CACNA1S: variants seen among roughly 807,000 people sequenced by gnomAD.
The protein encoded by CACNA1S is voltage-dependent L-type calcium channel subunit alpha-1S.
A neutral mutation model predicts 207.4 loss-of-function variants in CACNA1S; 126 were observed. The ratio of observed to expected loss-of-function variants is 0.61; its 90% CI spans 0.53 to 0.70. CACNA1S has a LOEUF of 0.70. CACNA1S is among the 30% of genes least tolerant of loss of function. The pLI, the probability that CACNA1S is intolerant of heterozygous loss-of-function variation, is 0.00. For missense variants in CACNA1S, 2,349 were observed against 2,422.8 expected (o/e 0.97, Z 0.64); for synonymous variants, 960 against 932.7 (o/e 1.03, Z -0.53).
At chr1:201,091,438 C>T (rs1339316793) in intron 5 of CACNA1S, among the ~76,000 whole-genome samples, 1 of 152,154 alleles carries the variant, frequency 6.6e-6, no homozygotes, top group African/African-American at 2.4e-5. Context: ...TGGCCCAGGC[C>T]CCTGCTCACT....
chr1:201,044,380 T>G lies in CACNA1S; in HGVS notation c.4745A>C (p.Glu1582Ala). 6.2e-7 allele frequency: 1 copy of G among 1,613,074 alleles called. No homozygotes were observed. Among genetic ancestry groups the G allele is most frequent in the Non-Finnish European group, 8.5e-7 (1 of 1,179,766 alleles). The change falls in exon 39 of 44, where the codon GAG becomes GCG. Residue 1582 changes from glutamate (E) to alanine (A), a missense_variant. By Grantham distance (107) the Glu-to-Ala change is moderately radical (BLOSUM62 -1). Coordinates refer to ENST00000362061, the MANE Select transcript of CACNA1S (RefSeq NM_000069.3). ...CTCCACCATGGCTCTCTCCAGCTCC[T>G]CCTCAGCAGCCAGGTCTCCTGAGAC... ...RTVSGDLAAE[E>A]ELERAMVEAA...
Position 201,039,625 on chromosome 1 carries a change from GC to G in CACNA1S, c.*205del. Reference sequence around the variant, plus strand: ...GACATTAGAAGCTCCATCCAATCATGCCTCTTGCTGGTGAGGGGCAGGGCCT... The same window carrying G: ...GACATTAGAAGCTCCATCCAATCATGCTCTTGCTGGTGAGGGGCAGGGCCT... On this transcript the variant is annotated 3_prime_UTR_variant, in exon 44 of 44. Coordinates refer to ENST00000362061, the MANE Select transcript of CACNA1S (RefSeq NM_000069.3). The G allele has an allele frequency of 1.6e-6, 1 of 637,498 alleles. No homozygotes were observed. Among genetic ancestry groups the G allele is most frequent in the Non-Finnish European group, 2.7e-6 (1 of 365,236 alleles). The allele number at this position is 637,498 out of a possible 1,614,324, so 39.5% of individuals were successfully genotyped here.
Position 201,053,221 on chromosome 1 carries a change from G to A in CACNA1S, c.3849C>T (p.Val1283=). 6.2e-7 allele frequency: 1 copy of A among 1,614,254 alleles called. No homozygotes were observed. The highest frequency in any genetic ancestry group is 8.5e-7 in the Non-Finnish European group (1 of 1,180,046). The change falls in exon 31 of 44, where the codon GTC becomes GTT. Residue 1283 remains valine, a synonymous_variant. Coordinates refer to ENST00000362061, the MANE Select transcript of CACNA1S (RefSeq NM_000069.3). The surrounding 1 kb of genome is among the most constrained non-coding windows in gnomAD (Gnocchi z 5.1). ...GCCTGCCTCTCACCTGCATGCCGATGACAGCGTAGATGAAGAAGAGCATGA... is the reference window on the plus strand; with the variant it reads ...GCCTGCCTCTCACCTGCATGCCGATAACAGCGTAGATGAAGAAGAGCATGA... ...LIVMLFFIYA[V]IGMQMFGKIA...
chr1:201,060,868 C>T, intron 25 of CACNA1S, 52 bp from the exon 26 acceptor site: 1 of 1,606,962 alleles, frequency 6.2e-7, no homozygotes, highest in Non-Finnish European at 8.5e-7. Context: ...CTCCCTCCCT[C>T]TCCACACCCA....
chr1:201,075,443 TC>T, intron 13 of CACNA1S, 51 bp downstream of exon 13: 1 of 1,597,908 alleles, frequency 6.3e-7, no homozygotes. Context: ...TTAAGCCCTT[TC>T]CCCCACCCCC....
At chr1:201,060,933 G>A (rs1026342998) in intron 25 of CACNA1S, 117 bp from the exon 26 acceptor site, 1 of 1,264,486 alleles carries the variant, frequency 7.9e-7, no homozygotes, top group Non-Finnish European at 1.2e-6. Context: ...GGCTGTGGCT[G>A]AGGACTGTGA....
chr1:201,095,839 A>T (rs1193712242), intron 2 of CACNA1S, among the ~76,000 whole-genome samples: 1 of 152,164 alleles, frequency 6.6e-6, no homozygotes, highest in Non-Finnish European at 1.5e-5. Flanking sequence ...CCCTGGCAAG[A>T]GGAGCGGGCT....
chr1:201,067,538 A>G (rs1445022274), intron 19 of CACNA1S, among the ~76,000 whole-genome samples: 1 of 152,194 alleles, frequency 6.6e-6, no homozygotes, highest in Non-Finnish European at 1.5e-5. Flanking sequence ...CTTAAAATCG[A>G]ACAGGGTTGA....
chr1:201,091,398 A>AGC (rs1553252709), intron 5 of CACNA1S, among the ~76,000 whole-genome samples: 4 of 152,190 alleles, frequency 2.6e-5, no homozygotes, highest in Admixed American at 1.3e-4. Context: ...TATGTGGGGC[A>AGC]GGGGGGTGAC....
chr1:201,063,706 A>G (rs893548507), intron 22 of CACNA1S, among the ~76,000 whole-genome samples: 4 of 152,212 alleles, frequency 2.6e-5, no homozygotes, highest in African/African-American at 9.6e-5. Context: ...CTAGTTGAAG[A>G]CACAGCTGGC....
At position 201,066,924 on chromosome 1, in the gene CACNA1S, G is replaced by C; in HGVS notation, c.2620C>G (p.Leu874Val). 6.2e-7 allele frequency: 1 copy of C among 1,614,188 alleles called. No individual in the cohort carries two copies. The highest frequency in any genetic ancestry group is 8.5e-7 in the Non-Finnish European group (1 of 1,180,002). ...CRNYFNMLDL[L>V]VVAVSLISMG... ...GAGATGAGGGACACGGCCACCACCAGCAGGTCCAGCATGTTGAAGTAATTG... is the reference window on the plus strand; with the variant it reads ...GAGATGAGGGACACGGCCACCACCACCAGGTCCAGCATGTTGAAGTAATTG... Residue 874 changes from leucine to valine, a missense_variant, in exon 20 of 44, where the codon CTG becomes GTG. Physicochemically the swap from Leu to Val is conservative, Grantham distance 32. Coordinates refer to ENST00000362061, the MANE Select transcript of CACNA1S (RefSeq NM_000069.3). This position sits in a 1 kb window ranked among gnomAD's most constrained non-coding sequence, Gnocchi z 4.3.
At chr1:201,055,325 G>T (rs1331717514) in intron 28 of CACNA1S, among the ~76,000 whole-genome samples, 1 of 152,154 alleles carries the variant, frequency 6.6e-6, no homozygotes, top group East Asian at 1.9e-4. Context: ...TGGACCACTG[G>T]TTCTCCACCC....
rs375469357 is a variant in CACNA1S at position 201,078,045 on chromosome 1, C to G, written c.1453G>C (p.Gly485Arg). ...FTTEMLMKMY[G>R]LGLRQYFMSI... is the part of the protein sequence containing the mutation. ...ATGAAGTACTGGCGCAGGCCCAGCCCGTACATCTTCATCAGCATCTCAGTG... is the reference window on the plus strand; with the variant it reads ...ATGAAGTACTGGCGCAGGCCCAGCCGGTACATCTTCATCAGCATCTCAGTG... Residue 485 changes from glycine to arginine, a missense_variant, in exon 11 of 44, where the codon GGG (glycine) becomes CGG (arginine). Coordinates refer to ENST00000362061, the MANE Select transcript of CACNA1S (RefSeq NM_000069.3). 1.9e-6 allele frequency: 3 copies of G among 1,614,096 alleles called. No individual in the cohort carries two copies. Among genetic ancestry groups the G allele is most frequent in the Non-Finnish European group, 2.5e-6 (3 of 1,180,038 alleles).
intron 22 of CACNA1S, among the ~76,000 whole-genome samples, chr1:201,063,628 T>A (rs1238693085): frequency 2.0e-5 from 3 of 152,134 alleles, no homozygotes; most frequent in African/African-American, 7.2e-5. Context: ...AGGCTTGAGA[T>A]CCACGGATTC....
rs765855755 is a variant in CACNA1S, at chr1:201,112,331, T to A, written c.9A>T (p.Pro3=). ME[P]SSPQDEGLRK... Reference sequence around the variant, plus strand: ...TCAGGCCTTCATCCTGGGGTGAGGATGGCTCCATGGCTTCCCTGGGAATCT... The same window carrying A: ...TCAGGCCTTCATCCTGGGGTGAGGAAGGCTCCATGGCTTCCCTGGGAATCT... The change falls in exon 1 of 44, where the codon CCA becomes CCT. Residue 3 remains proline (P), a synonymous_variant. Transcript: ENST00000362061. 3.7e-6 allele frequency: 6 copies of A among 1,613,656 alleles called. No homozygotes were observed. Among genetic ancestry groups the A allele is most frequent in the Non-Finnish European group, 5.1e-6 (6 of 1,179,818 alleles).
intron 2 of CACNA1S, among the ~76,000 whole-genome samples, chr1:201,095,364 T>TG (rs1379386003): frequency 5.3e-5 from 8 of 152,004 alleles, no homozygotes; most frequent in Non-Finnish European, 1.0e-4. Flanking sequence ...TGCGGAGGCG[T>TG]CATTCATATT....
Position 201,040,012 on chromosome 1 carries a change from A to T in CACNA1S, c.5441T>A (p.Leu1814Gln). Residue 1814 changes from leucine to glutamine, a missense_variant, in exon 44 of 44, where the codon CTG becomes CAG. Physicochemically the swap from Leu to Gln is moderately radical, Grantham distance 113. Transcript: ENST00000362061. ...TGGTTCCATTTGGCAGGCATCTGCC[A>T]GGGCCTGGCCTGTTGCCATGATGAA... ...ANFIMATGQALADACQMEPEE... is the reference protein window; with the variant it reads ...ANFIMATGQAQADACQMEPEE... The T allele has an allele frequency of 6.2e-7, 1 of 1,614,284 alleles. No individual in the cohort carries two copies. Among genetic ancestry groups the T allele is most frequent in the Non-Finnish European group, 8.5e-7 (1 of 1,180,050 alleles).
rs1660718976 is a variant in CACNA1S at position 201,053,224 on chromosome 1, A to C, written c.3846T>G (p.Ala1282=). Residue 1282 remains alanine (A), a synonymous_variant, in exon 31 of 44, where the codon GCT becomes GCG. Coordinates refer to ENST00000362061, the MANE Select transcript of CACNA1S (RefSeq NM_000069.3). This position sits in a 1 kb window ranked among gnomAD's most constrained non-coding sequence, Gnocchi z 5.1. ...LLIVMLFFIY[A]VIGMQMFGKI... ...TGCCTCTCACCTGCATGCCGATGAC[A>C]GCGTAGATGAAGAAGAGCATGACGA... The C allele has an allele frequency of 6.2e-7, 1 of 1,614,084 alleles. No homozygotes were observed. The highest frequency in any genetic ancestry group is 1.3e-5 in the African/African-American group (1 of 74,934).
chr1:201,048,997 G>A lies in CACNA1S; in HGVS notation c.4338+6C>T. On this transcript the variant is annotated splice_donor_region_variant and intron_variant, in intron 35 of 43. Transcript: ENST00000362061. ...GGGGCCACCCATCCCTGGCAGCTCTGGTTACCTTACAAGCTACCCGATGTG... is the reference window on the plus strand; with the variant it reads ...GGGGCCACCCATCCCTGGCAGCTCTAGTTACCTTACAAGCTACCCGATGTG... The A allele has an allele frequency of 6.2e-7, 1 of 1,610,890 alleles. No individual in the cohort carries two copies. Among genetic ancestry groups the A allele is most frequent in the Admixed American group, 1.7e-5 (1 of 59,970 alleles).
Sources: allele counts gnomAD v4.1 joint callset (sites outside exome capture counted in the v4.1 genomes callset), GRCh38; gene constraint gnomAD v4.1.1; non-coding constraint Gnocchi (gnomAD v3.1); transcripts MANE v1.5; gene names NCBI Gene and HGNC (gene_info 2026-07-23, HGNC 2026-07-21).